Variants in SLC25A27 observed in about 807,000 individuals in gnomAD.
SLC25A27 encodes solute carrier family 25 member 27, also known as mitochondrial uncoupling protein 4.
Under a neutral mutation model 49.1 loss-of-function variants are expected in SLC25A27, and 35 were observed. The observed-to-expected ratio is 0.71, with a 90% CI of 0.54 to 0.95. The LOEUF (loss-of-function observed/expected upper bound fraction) is 0.95, where lower values mean the gene tolerates loss of function less well. SLC25A27 is among the 40% of genes least tolerant of loss of function. The probability of loss-of-function intolerance (pLI) is 0.00; values close to 1 mark genes in which losing one functional copy is unlikely to be tolerated. For missense variants in SLC25A27, 339 were observed against 397.1 expected, an observed-to-expected ratio of 0.85 and a Z score of 1.24; for synonymous variants, 144 against 136.9, an observed-to-expected ratio of 1.05 and a Z score of -0.36.
intron 6 of SLC25A27, among the ~76,000 whole-genome samples, chr6:46,669,001 C>A (rs531194294): frequency 6.6e-6 from 1 of 152,260 alleles, no homozygotes; most frequent in Non-Finnish European, 1.5e-5. Context: ...TTGGATTAAA[C>A]CTCTCAAAAT....
chr6:46,673,511 C>T (rs982009173), intron 8 of SLC25A27, among the ~76,000 whole-genome samples: 1 of 152,140 alleles, frequency 6.6e-6, no homozygotes, highest in East Asian at 1.9e-4. Flanking sequence ...TGGGAAGTCG[C>T]AAGAGGCTTC....
intron 3 of SLC25A27, among the ~76,000 whole-genome samples, chr6:46,659,781 G>T (rs902351302): frequency 1.3e-5 from 2 of 151,862 alleles, no homozygotes; most frequent in Non-Finnish European, 2.9e-5. Context: ...CTTGAACCCA[G>T]GAGGTGGAGG....
Position 46,676,535 on chromosome 6 carries a change from T to TACC in SLC25A27, c.*81_*82insACC. 6.2e-7 allele frequency: 1 copy of TACC among 1,608,852 alleles called. No individual in the cohort carries two copies. The highest frequency in any genetic ancestry group is 8.5e-7 in the Non-Finnish European group (1 of 1,176,928). ...CATCTGCAACACATACCCCCTATTA[T>TACC]TTCTACCTCTTTAGGAAGACACCTA... On this transcript the variant is annotated 3_prime_UTR_variant, in exon 9 of 9. Coordinates refer to ENST00000371347, the MANE Select transcript of SLC25A27 (RefSeq NM_004277.5).
chr6:46,668,715 C>G lies in SLC25A27; in HGVS notation c.626C>G (p.Thr209Ser). Residue 209 changes from threonine (T) to serine (S), a missense_variant, in exon 6 of 9, where the codon ACC becomes AGC. Coordinates refer to ENST00000371347, the MANE Select transcript of SLC25A27 (RefSeq NM_004277.5). ...RAALVNMGDL[T>S]TYDTVKHYLV... ...AAACTTTTTCCATTGCCAGATTTAA[C>G]CACTTATGATACAGTGAAACACTAC... 6.3e-7 allele frequency: 1 copy of G among 1,590,482 alleles called. No individual in the cohort carries two copies. The highest frequency in any genetic ancestry group is 1.3e-5 in the African/African-American group (1 of 74,450).
rs758528373 is a variant in SLC25A27 at position 46,653,262 on chromosome 6, C to T, written c.70C>T (p.Leu24=). The T allele has an allele frequency of 5.1e-5, 83 of 1,613,450 alleles. No individual in the cohort carries two copies. The highest frequency in any genetic ancestry group is 6.7e-5 in the Non-Finnish European group (79 of 1,179,734). ...TQRWPRASKF[L]LSGCAATVAE... ...GAGATGGCCCCGAGCGAGCAAATTC[C>T]TACTGTCCGGCTGCGCGGCTACCGT... The change falls in exon 1 of 9, where the codon CTA becomes TTA. Residue 24 remains leucine (L), a synonymous_variant. Transcript: ENST00000371347.
At chr6:46,658,171 A>C (rs1276402076) in intron 2 of SLC25A27, among the ~76,000 whole-genome samples, 2 of 152,226 alleles carry the variant, frequency 1.3e-5, no homozygotes, top group African/African-American at 4.8e-5. Flanking sequence ...TGAGTAAGTT[A>C]GCGTGTATCA....
At position 46,676,586 on chromosome 6, in the gene SLC25A27, G is replaced by C; in HGVS notation, c.*132G>C. Reference sequence around the variant, plus strand: ...TTCCACAGAGACTGATTTATAGGGGGCAGCACTTTATTTTTTTCTGGAAAC... The same window carrying C: ...TTCCACAGAGACTGATTTATAGGGGCCAGCACTTTATTTTTTTCTGGAAAC... On this transcript the variant is annotated 3_prime_UTR_variant, in exon 9 of 9. Transcript: ENST00000371347. 2 of 1,567,446 alleles carry C rather than the reference G, an allele frequency of 1.3e-6. No individual in the cohort carries two copies. The highest frequency in any genetic ancestry group is 1.7e-6 in the Non-Finnish European group (2 of 1,154,890).
At chr6:46,661,112 A>G (rs1310636312) in intron 3 of SLC25A27, among the ~76,000 whole-genome samples, 1 of 152,242 alleles carries the variant, frequency 6.6e-6, no homozygotes, top group Non-Finnish European at 1.5e-5. Flanking sequence ...TGAATAAACA[A>G]TTAGAATTAT....
chr6:46,656,454 T>A (rs548611619), intron 2 of SLC25A27, among the ~76,000 whole-genome samples: 94 of 152,118 alleles, frequency 6.2e-4, no homozygotes, highest in African/African-American at 2.2e-3. Context: ...CAAGCGATTC[T>A]CCTGCCTCAG....
intron 3 of SLC25A27, among the ~76,000 whole-genome samples, chr6:46,659,680 G>A (rs570551049): frequency 2.6e-5 from 4 of 151,782 alleles, no homozygotes; most frequent in South Asian, 4.2e-4. Flanking sequence ...ATGGCAAAAC[G>A]CTGTCTCTAC....
Position 46,655,872 on chromosome 6 carries a change from C to T in SLC25A27, c.136C>T (p.Arg46Ter), listed in dbSNP as rs772948449. 4.3e-6 allele frequency: 7 copies of T among 1,612,476 alleles called. No homozygotes were observed. The highest frequency in any genetic ancestry group is 5.9e-6 in the Non-Finnish European group (7 of 1,179,552). The change falls in exon 2 of 9, where the codon CGA becomes TGA. Residue 46 changes from arginine to a stop codon, truncating the protein, a stop_gained. Coordinates refer to ENST00000371347, the MANE Select transcript of SLC25A27 (RefSeq NM_004277.5). LOFTEE classifies it high-confidence loss of function. ...CTTTCCCCTGGATCTCACAAAAACT[C>T]GACTCCAAATGCAAGGAGAAGCAGC... is the stretch of plus-strand genomic sequence containing the variant. ...ATFPLDLTKT[R>*]LQMQGEAALA...
chr6:46,654,736 A>G lies in SLC25A27; in HGVS notation c.107-1107A>G, dbSNP rs543692839. 9.2e-5 allele frequency among the ~76,000 whole-genome samples: 14 copies of G among 152,346 alleles called. No homozygotes were observed. The South Asian group carries it at 2.5e-3, about 27-fold the overall frequency. ...AAGATTTTTCAGGTTTCATATGTCA[A>G]TAAAATATTGCTTGAAGTCTATGCA... On this transcript the variant is annotated intron_variant, in intron 1 of 8. Transcript: ENST00000371347.
Position 46,676,716 on chromosome 6 carries a change from C to G in SLC25A27, c.*262C>G, listed in dbSNP as rs771776323. On this transcript the variant is annotated 3_prime_UTR_variant, in exon 9 of 9. Coordinates refer to ENST00000371347, the MANE Select transcript of SLC25A27 (RefSeq NM_004277.5). ...AGCATTTTCTAAAGAAGAATCGAAG[C>G]CTGACCACTTTCACCTTGGGCAAGA... is the stretch of plus-strand genomic sequence containing the variant. The G allele has an allele frequency of 3.4e-5, 53 of 1,543,488 alleles. No individual in the cohort carries two copies. Among genetic ancestry groups the G allele is most frequent in the Non-Finnish European group, 4.6e-5 (52 of 1,140,680 alleles).
intron 6 of SLC25A27, among the ~76,000 whole-genome samples, chr6:46,669,371 G>C (rs781599102): frequency 6.6e-6 from 1 of 152,280 alleles, no homozygotes; most frequent in East Asian, 1.9e-4. Flanking sequence ...GGAAGGAGCA[G>C]TACCTTGATC....
At chr6:46,663,654 G>T (rs564971159) in intron 4 of SLC25A27, among the ~76,000 whole-genome samples, 1 of 152,054 alleles carries the variant, frequency 6.6e-6, no homozygotes, top group Non-Finnish European at 1.5e-5. Flanking sequence ...TGTTCTTAAT[G>T]TTGGAAATTT....
intron 8 of SLC25A27, among the ~76,000 whole-genome samples, chr6:46,675,101 T>C (rs1178095141): frequency 6.6e-6 from 1 of 152,192 alleles, no homozygotes; most frequent in Non-Finnish European, 1.5e-5. Flanking sequence ...TTTTTGGCTA[T>C]ATGATCTCCC....
intron 8 of SLC25A27, 96 bp downstream of exon 8, chr6:46,671,324 G>C: frequency 1.6e-6 from 1 of 619,732 alleles, no homozygotes; most frequent in East Asian, 3.4e-5. Context: ...TTTGAAGCAT[G>C]GCCCTGCCCC....
intron 3 of SLC25A27, among the ~76,000 whole-genome samples, chr6:46,659,432 T>TACAA (rs754200145): frequency 1.3e-4 from 20 of 152,174 alleles, no homozygotes; most frequent in Non-Finnish European, 2.2e-4. Flanking sequence ...ATAGAAGTAA[T>TACAA]ACAAACCATT....
chr6:46,667,455 C>T (rs1439927015), intron 5 of SLC25A27, among the ~76,000 whole-genome samples: 2 of 152,204 alleles, frequency 1.3e-5, no homozygotes, highest in Admixed American at 1.3e-4. Context: ...TGGGCAGTCA[C>T]TCCTCTGCTC....
Sources: allele counts gnomAD v4.1 joint callset (sites outside exome capture counted in the v4.1 genomes callset), GRCh38; gene constraint gnomAD v4.1.1; transcripts MANE v1.5; gene names NCBI Gene and HGNC (gene_info 2026-07-23, HGNC 2026-07-21).